EPB41L2: variants seen among roughly 807,000 people sequenced by gnomAD.
The protein encoded by EPB41L2 is band 4.1-like protein 2.
EPB41L2 carries 43 observed loss-of-function variants against 113.0 expected under a neutral mutation model. That is an observed-to-expected ratio of 0.38 (90% CI 0.30 to 0.49). The LOEUF (loss-of-function observed/expected upper bound fraction) is 0.49. Among genes scored for constraint, EPB41L2 ranks in the 20% least tolerant of loss-of-function variants. The pLI is 0.95. For missense variants in EPB41L2, 1,147 were observed against 1,223.4 expected (o/e 0.94, Z 0.93); for synonymous variants, 442 against 436.7 (o/e 1.01, Z -0.15).
At chr6:130,947,703 T>C (rs931908256) in intron 3 of EPB41L2, among the ~76,000 whole-genome samples, 6 of 152,068 alleles carry the variant, frequency 3.9e-5, no homozygotes, top group Non-Finnish European at 8.8e-5. Flanking sequence ...ATTAGCCTGC[T>C]CAACCCCATG....
At chr6:130,970,351 G>A (rs1776471179) in intron 1 of EPB41L2, 1 of 152,188 alleles carries the variant, frequency 6.6e-6, no homozygotes, top group African/African-American at 2.4e-5. Context: ...GAAAGCTGAT[G>A]GAAATCCAGC....
chr6:130,930,764 G>A (rs1046151131), intron 3 of EPB41L2, among the ~76,000 whole-genome samples: 2 of 152,100 alleles, frequency 1.3e-5, no homozygotes, highest in African/African-American at 4.8e-5. Context: ...CACAGTATCA[G>A]AATCAGATCT....
rs1817427202 is a variant in EPB41L2 at position 130,956,354 on chromosome 6, T to C, written c.132A>G (p.Glu44=). The C allele has an allele frequency of 1.2e-6, 2 of 1,614,074 alleles. No homozygotes were observed. The highest frequency in any genetic ancestry group is 3.3e-5 in the Admixed American group (2 of 60,000). Residue 44 remains glutamate (E), a synonymous_variant, in exon 2 of 20, where the codon GAA becomes GAG. Transcript: ENST00000337057. ...QQNQSSDPEE[E]KGSQPPPAAE... is the part of the protein sequence containing the mutation. ...CTGCAGGAGGTGGCTGGGAACCTTT[T>C]TCCTCCTCTGGATCGGAAGACTGAT...
In EPB41L2 at chr6:130,955,855, A is replaced by G. The variant is rs561787529; in HGVS notation, c.492+139T>C. The G allele has an allele frequency of 3.5e-6, 5 of 1,414,796 alleles. No homozygotes were observed. In the African/African-American group the frequency reaches 5.7e-5, roughly 16 times the overall value. The allele number at this position is 1,414,796 out of a possible 1,614,324, so 87.6% of individuals were successfully genotyped here. A position where few individuals can be genotyped will look rare whatever the true frequency, so the allele number is the denominator to read the frequency against. ...GGGAAAGGCTATGGTAGACCAATCT[A>G]AGACCCATTCCGTATACATTAAGCT... On this transcript the variant is annotated intron_variant, in intron 2 of 19. Coordinates refer to ENST00000337057, the MANE Select transcript of EPB41L2 (RefSeq NM_001431.4).
At chr6:131,022,062 A>T (rs112361736) in intron 1 of EPB41L2, among the ~76,000 whole-genome samples, 1,905 of 152,244 alleles carry the variant, frequency 0.013, 38 homozygotes, top group African/African-American at 0.042. Flanking sequence ...CATAATGTAG[A>T]ATCAGTGGGA....
At chr6:130,889,368 T>C (rs1235245451) in intron 11 of EPB41L2, among the ~76,000 whole-genome samples, 1 of 152,040 alleles carries the variant, frequency 6.6e-6, no homozygotes, top group East Asian at 1.9e-4. Context: ...TATATATATA[T>C]TTTTCCATGT....
chr6:131,003,874 G>A (rs1373284424), intron 1 of EPB41L2, among the ~76,000 whole-genome samples: 1 of 152,214 alleles, frequency 6.6e-6, no homozygotes, highest in East Asian at 1.9e-4. Flanking sequence ...CCAGCCATGG[G>A]TCTGAACTGT....
At position 130,956,418 on chromosome 6, in the gene EPB41L2, G is replaced by A. The variant is rs146955500; in HGVS notation, c.68C>T (p.Thr23Ile). The A allele has an allele frequency of 3.7e-5, 59 of 1,614,012 alleles. No individual in the cohort carries two copies. In the African/African-American group the frequency reaches 6.5e-4, roughly 18 times the overall value. ...KDSSQLGTDATKEKPKEVAEN... is the reference protein window; with the variant it reads ...KDSSQLGTDAIKEKPKEVAEN... ...TGCTACTTCTTTAGGTTTTTCCTTG[G>A]TTGCATCTGTTCCTAACTGGCTAGA... The change falls in exon 2 of 20, where the codon ACC (threonine) becomes ATC (isoleucine). Residue 23 changes from threonine (T) to isoleucine (I), a missense_variant. Coordinates refer to ENST00000337057, the MANE Select transcript of EPB41L2 (RefSeq NM_001431.4).
chr6:131,058,257 T>C (rs1015613052), intron 1 of EPB41L2, among the ~76,000 whole-genome samples: 2 of 152,176 alleles, frequency 1.3e-5, no homozygotes, highest in Admixed American at 6.5e-5. Context: ...ATGAAATCTA[T>C]TCCAATGCCA....
Position 130,899,485 on chromosome 6 carries a change from C to G in EPB41L2, c.1236+6G>C. 6.2e-7 allele frequency: 1 copy of G among 1,612,068 alleles called. No homozygotes were observed. The highest frequency in any genetic ancestry group is 8.5e-7 in the Non-Finnish European group (1 of 1,178,196). The stretch of plus-strand genomic sequence containing the variant: ...ATGATGCTACTCCCCGTTACATTTA[C>G]AGTACCTTGGCATGATGTAGGTCAA... On this transcript the variant is annotated splice_donor_region_variant and intron_variant, in intron 8 of 19. Transcript: ENST00000337057.
chr6:130,964,789 G>A (rs1341896135), intron 1 of EPB41L2, among the ~76,000 whole-genome samples: 1 of 152,012 alleles, frequency 6.6e-6, no homozygotes, highest in Non-Finnish European at 1.5e-5. Flanking sequence ...AACTCTTCTA[G>A]GAAGGAACTG....
chr6:131,042,354 C>A (rs910472008), intron 1 of EPB41L2, among the ~76,000 whole-genome samples: 2 of 152,112 alleles, frequency 1.3e-5, no homozygotes, highest in African/African-American at 4.8e-5. Context: ...AAAACCTACA[C>A]TACAAGCCTG....
chr6:131,025,129 T>C (rs561119987), intron 1 of EPB41L2, among the ~76,000 whole-genome samples: 27 of 152,234 alleles, frequency 1.8e-4, no homozygotes, highest in African/African-American at 6.5e-4. Flanking sequence ...TAGTTAAGAA[T>C]AGCAGCCAGA....
At chr6:130,882,112 A>T (rs1312317000) in intron 12 of EPB41L2, 1 of 152,228 alleles carries the variant, frequency 6.6e-6, no homozygotes, top group Non-Finnish European at 1.5e-5. Flanking sequence ...TAAATTCTAT[A>T]TCAAAACAAA....
At chr6:130,988,271 A>G (rs1416202908) in intron 1 of EPB41L2, among the ~76,000 whole-genome samples, 1 of 152,190 alleles carries the variant, frequency 6.6e-6, no homozygotes, top group East Asian at 1.9e-4. Context: ...GCCAAGATTC[A>G]AGGCCAGAAG....
intron 15 of EPB41L2, chr6:130,868,968 T>C (rs1784781547): frequency 6.5e-6 from 1 of 152,700 alleles, no homozygotes; most frequent in Non-Finnish European, 1.5e-5. Flanking sequence ...AACAAAACCA[T>C]ACAACCCCTG....
At chr6:131,037,801 CT>C (rs1452065866) in intron 1 of EPB41L2, among the ~76,000 whole-genome samples, 3 of 151,998 alleles carry the variant, frequency 2.0e-5, no homozygotes, top group African/African-American at 7.3e-5. Flanking sequence ...CTTGGCCAAG[CT>C]GGTCTCAAAC....
chr6:130,968,943 T>A (rs1717415687), intron 1 of EPB41L2, among the ~76,000 whole-genome samples: 1 of 152,162 alleles, frequency 6.6e-6, no homozygotes, highest in Non-Finnish European at 1.5e-5. Context: ...GGAGAATATG[T>A]CAGGCATTCA....
At position 130,958,170 on chromosome 6, in the gene EPB41L2, G is replaced by T. The variant is rs147276487; in HGVS notation, c.-14-1671C>A. On this transcript the variant is annotated intron_variant, in intron 1 of 19. Coordinates refer to ENST00000337057, the MANE Select transcript of EPB41L2 (RefSeq NM_001431.4). ...ATGTTGCACAAAAAACACAGGACTA[G>T]GCCAGGTGCAGTGGCTCATGCCTGT... is the stretch of plus-strand genomic sequence containing the variant. 3.6e-4 allele frequency among the ~76,000 whole-genome samples: 55 copies of T among 152,236 alleles called. 1 individual carries two copies. In the East Asian group the frequency reaches 0.01, roughly 28 times the overall value.
Sources: allele counts gnomAD v4.1 joint callset (sites outside exome capture counted in the v4.1 genomes callset), GRCh38; gene constraint gnomAD v4.1.1; transcripts MANE v1.5; gene names NCBI Gene and HGNC (gene_info 2026-07-23, HGNC 2026-07-21).